Variants in NAPA observed in about 807,000 individuals in gnomAD.
NAPA encodes the protein NSF attachment protein alpha, also known as alpha-soluble NSF attachment protein.
A neutral mutation model predicts 48.0 loss-of-function variants in NAPA; 18 were observed. The observed-to-expected ratio is 0.38, with a 90% CI of 0.26 to 0.56. The LOEUF is 0.56. Among genes scored for constraint, NAPA ranks in the 20% least tolerant of loss-of-function variants. The pLI is 0.77. For missense variants in NAPA, 315 were observed against 385.0 expected, an observed-to-expected ratio of 0.82 and a Z score of 1.52; for synonymous variants, 152 against 149.9, an observed-to-expected ratio of 1.01 and a Z score of -0.10.
At chr19:47,492,146 T>G (rs1159356896) in intron 7 of NAPA, 27 bp from the exon 8 acceptor site, 2 of 1,600,392 alleles carry the variant, frequency 1.2e-6, no homozygotes, top group South Asian at 1.1e-5. Flanking sequence ...GTGGCACTGG[T>G]GAGCTCAGGG....
chr19:47,490,339 G>GGTGTGTGATGTGTTTGCT (rs1968215946), intron 9 of NAPA, among the ~76,000 whole-genome samples: 1 of 144,796 alleles, frequency 6.9e-6, no homozygotes, highest in Non-Finnish European at 1.5e-5. Context: ...CGATATGTGT[G>GGTGTGTGATGTGTTTGCT]GTGTGTGATG....
intron 9 of NAPA, 68 bp from the exon 10 acceptor site, chr19:47,489,829 A>G (rs1477059821): frequency 6.5e-7 from 1 of 1,541,656 alleles, no homozygotes; most frequent in African/African-American, 1.4e-5. Context: ...GATTAGATGA[A>G]AGGACACGCT....
At chr19:47,484,683 A>G (rs992190133), downstream of NAPA, among the ~76,000 whole-genome samples, 1 of 151,842 alleles carries the variant, frequency 6.6e-6, no homozygotes, top group African/African-American at 2.4e-5. Context: ...TGGAAACCAA[A>G]CAAGGTAACT....
chr19:47,508,016 GC>G (rs1370401058), intron 1 of NAPA, among the ~76,000 whole-genome samples: 9 of 152,120 alleles, frequency 5.9e-5, no homozygotes, highest in African/African-American at 2.2e-4. Context: ...GTCCCTGCCT[GC>G]CCCCACCCCT....
chr19:47,494,302 G>A (rs983560724), intron 4 of NAPA, among the ~76,000 whole-genome samples: 2 of 152,212 alleles, frequency 1.3e-5, no homozygotes, highest in Non-Finnish European at 2.9e-5. Flanking sequence ...AAACCACCCT[G>A]CAGTGTCTGG....
intron 1 of NAPA, among the ~76,000 whole-genome samples, chr19:47,505,994 CT>C (rs760461648): frequency 0.013 from 1,628 of 126,932 alleles, 9 homozygotes; most frequent in African/African-American, 0.028. Flanking sequence ...GGAGTGACTT[CT>C]TTTTTTTTTT....
chr19:47,494,759 G>C (rs1034440735), intron 4 of NAPA, among the ~76,000 whole-genome samples: 1 of 76,550 alleles, frequency 1.3e-5, no homozygotes, highest in Non-Finnish European at 3.1e-5. Context: ...AAAAAAAAAA[G>C]AGAGAGAGAG....
chr19:47,504,419 A>AG (rs1329623711), intron 1 of NAPA, among the ~76,000 whole-genome samples: 2 of 150,472 alleles, frequency 1.3e-5, no homozygotes, highest in Non-Finnish European at 3.0e-5. Context: ...AAAAAAAAAA[A>AG]AGAGAAAGAG....
intron 2 of NAPA, among the ~76,000 whole-genome samples, chr19:47,502,716 G>T (rs575809014): frequency 6.6e-6 from 1 of 152,194 alleles, no homozygotes; most frequent in African/African-American, 2.4e-5. Flanking sequence ...CAACACACTG[G>T]CTTGTTGGAC....
chr19:47,513,073 A>G (rs1968835786), intron 1 of NAPA, among the ~76,000 whole-genome samples: 1 of 151,934 alleles, frequency 6.6e-6, no homozygotes, highest in African/African-American at 2.4e-5. Flanking sequence ...CAGTTTCCAC[A>G]ACCTCCCCTT....
At chr19:47,487,632 G>C (rs55800589), downstream of NAPA, 7,168 of 152,494 alleles carry the variant, frequency 0.047, 256 homozygotes, top group Non-Finnish European at 0.074. Context: ...AGGAGGAAGA[G>C]AGACTCATGC....
chr19:47,485,368 G>A (rs1484027170), downstream of NAPA, among the ~76,000 whole-genome samples: 2 of 152,220 alleles, frequency 1.3e-5, no homozygotes, highest in Non-Finnish European at 2.9e-5. Flanking sequence ...AGCAAGTGGT[G>A]GGGACAGGAT....
rs541585540 is a variant in NAPA at position 47,492,194 on chromosome 19, G to T, written c.562-75C>A. The T allele has an allele frequency of 5.3e-5, 71 of 1,339,970 alleles. No individual in the cohort carries two copies. The South Asian group carries it at 8.1e-4, about 15-fold the overall frequency. The allele number at this position is 1,339,970 out of a possible 1,614,324, so 83.0% of individuals were successfully genotyped here. A position where few individuals can be genotyped will look rare whatever the true frequency, so the allele number is the denominator to read the frequency against. On this transcript the variant is annotated intron_variant, in intron 7 of 10. Transcript: ENST00000263354. ...GGGCCAGAGCCACTGCCAGGCACTG[G>T]GGGGCCAGCTGGGAGCTGGTTCATG...
chr19:47,502,658 A>G (rs1020003395), intron 2 of NAPA, among the ~76,000 whole-genome samples: 10 of 152,208 alleles, frequency 6.6e-5, no homozygotes, highest in African/African-American at 2.2e-4. Flanking sequence ...CCTTAATTCA[A>G]TCTTGGTGAC....
intron 4 of NAPA, chr19:47,495,185 G>T: frequency 6.7e-6 from 2 of 298,318 alleles, no homozygotes; most frequent in Non-Finnish European, 1.3e-5. Context: ...GTAGAGAGGA[G>T]GTCTTGCTAT....
chr19:47,489,550 G>A (rs1968182726), intron 10 of NAPA, 161 bp downstream of exon 10: 6 of 780,420 alleles, frequency 7.7e-6, no homozygotes, highest in South Asian at 5.1e-5. Flanking sequence ...GCCTCTTGGC[G>A]CTACTTGTAA....
At chr19:47,514,218 C>G (rs888359285) in intron 1 of NAPA, among the ~76,000 whole-genome samples, 3 of 152,078 alleles carry the variant, frequency 2.0e-5, no homozygotes, top group Non-Finnish European at 4.4e-5. Context: ...ATGCACCCCC[C>G]ACACTTCAGA....
At chr19:47,509,349 T>TAAATAAAATA (rs1210141621) in intron 1 of NAPA, among the ~76,000 whole-genome samples, 27 of 92,176 alleles carry the variant, frequency 2.9e-4, no homozygotes, top group African/African-American at 1.1e-3. Context: ...TAAAATAAAA[T>TAAATAAAATA]AAATAAAATA....
At chr19:47,509,900 C>A (rs532057864) in intron 1 of NAPA, among the ~76,000 whole-genome samples, 1 of 152,356 alleles carries the variant, frequency 6.6e-6, no homozygotes, top group Admixed American at 6.5e-5. Context: ...GAATGTACTT[C>A]CTTTTTCTTA....
Sources: gnomAD v4.1 joint callset for allele counts (sites outside exome capture counted in the v4.1 genomes callset) on GRCh38, gnomAD v4.1.1 for gene constraint, MANE v1.5 for transcripts, NCBI Gene and HGNC (gene_info 2026-07-23, HGNC 2026-07-21) for gene names.